Variants in MTMR2 observed in about 807,000 individuals in gnomAD.
The protein encoded by MTMR2 is myotubularin related protein 2.
In MTMR2, 55 loss-of-function variants were observed where a neutral mutation model predicts 86.9. That is an observed-to-expected ratio of 0.63 (90% confidence interval 0.51 to 0.79). The LOEUF (loss-of-function observed/expected upper bound fraction) is 0.79. MTMR2 is among the 30% of genes least tolerant of loss of function. The probability of loss-of-function intolerance (pLI) is 0.00; values close to 1 mark genes in which losing one functional copy is unlikely to be tolerated. For missense variants in MTMR2, 659 were observed against 772.3 expected, an observed-to-expected ratio of 0.85 and a Z score of 1.74; for synonymous variants, 241 against 266.8, an observed-to-expected ratio of 0.90 and a Z score of 0.94.
intron 1 of MTMR2, 67 bp from the exon 2 acceptor site, chr11:95,888,328 A>G: frequency 1.9e-6 from 2 of 1,026,172 alleles, no homozygotes. Context: ...CAGACATTGT[A>G]TTTAATATAA....
At chr11:95,851,356 C>CTTTA (rs892659649) in intron 7 of MTMR2, among the ~76,000 whole-genome samples, 8 of 145,994 alleles carry the variant, frequency 5.5e-5, no homozygotes, top group African/African-American at 1.7e-4. Flanking sequence ...TGTTCCTATT[C>CTTTA]TTTATTTATT....
At chr11:95,877,331 CCTTTTTTTTTTTTTTTTTTT>C (rs1448399789) in intron 2 of MTMR2, among the ~76,000 whole-genome samples, 2 of 94,740 alleles carry the variant, frequency 2.1e-5, no homozygotes, top group African/African-American at 5.0e-5. Context: ...ACAGGGAAGC[CCTTTTTTTTTTTTTTTTTTT>C]TTTTTTTTTT....
chr11:95,860,062 A>T (rs1415155590), intron 5 of MTMR2, among the ~76,000 whole-genome samples: 1 of 152,178 alleles, frequency 6.6e-6, no homozygotes, highest in Non-Finnish European at 1.5e-5. Flanking sequence ...TATATTTAAA[A>T]TGATTAAGAT....
At chr11:95,843,896 T>C (rs934461703) in intron 11 of MTMR2, among the ~76,000 whole-genome samples, 8 of 151,792 alleles carry the variant, frequency 5.3e-5, no homozygotes, top group Admixed American at 2.0e-4. Flanking sequence ...GTTTGGGGAG[T>C]TAGGAAAAAA....
chr11:95,855,906 T>C (rs1349704584), intron 7 of MTMR2, among the ~76,000 whole-genome samples: 2 of 152,178 alleles, frequency 1.3e-5, no homozygotes, highest in African/African-American at 2.4e-5. Flanking sequence ...TTTCTAAATG[T>C]GCTAGAATTA....
At chr11:95,872,494 C>G (rs1864928258) in intron 2 of MTMR2, among the ~76,000 whole-genome samples, 1 of 152,174 alleles carries the variant, frequency 6.6e-6, no homozygotes, top group Admixed American at 6.5e-5. Flanking sequence ...AGTTGCTTAT[C>G]AGCTTAAGGA....
chr11:95,835,837 G>C (rs1863247056), intron 14 of MTMR2, among the ~76,000 whole-genome samples: 1 of 151,968 alleles, frequency 6.6e-6, no homozygotes, highest in African/African-American at 2.4e-5. Context: ...ATTTTGTTCA[G>C]CTTTTAACTT....
rs886048762 is a variant in MTMR2, at chr11:95,832,933, A to G, written c.*2357T>C. ...TCATTTCAAATAAGGTTATGTTTAC[A>G]GACTTGTGGTAGACATGTGAATTGT... On this transcript the variant is annotated 3_prime_UTR_variant, in exon 15 of 15. Transcript: ENST00000346299. 3 of 152,186 alleles carry G rather than the reference A, an allele frequency of 2.0e-5. No individual in the cohort carries two copies. Among genetic ancestry groups the G allele is most frequent in the Non-Finnish European group, 2.9e-5 (2 of 68,032 alleles). The allele number at this position is 152,186 out of a possible 1,614,324, so 9.4% of individuals were successfully genotyped here.
intron 9 of MTMR2, among the ~76,000 whole-genome samples, chr11:95,849,286 C>T (rs1339748610): frequency 2.0e-5 from 3 of 151,988 alleles, no homozygotes; most frequent in South Asian, 4.2e-4. Context: ...AACACTAGTT[C>T]GCTATTCCTA....
chr11:95,890,207 T>C (rs1219303295), intron 1 of MTMR2, among the ~76,000 whole-genome samples: 1 of 152,216 alleles, frequency 6.6e-6, no homozygotes, highest in Non-Finnish European at 1.5e-5. Context: ...TTATATTACA[T>C]AGTTTTATAA....
intron 2 of MTMR2, among the ~76,000 whole-genome samples, chr11:95,872,995 A>T (rs923586084): frequency 2.0e-5 from 3 of 152,130 alleles, no homozygotes; most frequent in Admixed American, 1.3e-4. Context: ...AAGCTTTTTG[A>T]TGTGCTGCTG....
intron 1 of MTMR2, among the ~76,000 whole-genome samples, chr11:95,904,256 C>T (rs1364148635): frequency 6.6e-6 from 1 of 152,206 alleles, no homozygotes; most frequent in Non-Finnish European, 1.5e-5. Context: ...TCCCTCTCTA[C>T]TCAATCTCGC....
At chr11:95,895,769 A>T (rs1413546083) in intron 1 of MTMR2, among the ~76,000 whole-genome samples, 1 of 152,138 alleles carries the variant, frequency 6.6e-6, no homozygotes, top group Non-Finnish European at 1.5e-5. Context: ...CCCAAGAGAA[A>T]TGAAAATATT....
intron 10 of MTMR2, among the ~76,000 whole-genome samples, 158 bp from the exon 11 acceptor site, chr11:95,845,317 T>C (rs1052554797): frequency 6.6e-6 from 1 of 152,196 alleles, no homozygotes; most frequent in East Asian, 1.9e-4. Context: ...GTAGAAGATA[T>C]ATAAATTTTG....
chr11:95,890,305 A>T (rs1209641769), intron 1 of MTMR2, among the ~76,000 whole-genome samples: 1 of 152,232 alleles, frequency 6.6e-6, no homozygotes, highest in African/African-American at 2.4e-5. Context: ...TTAAAATAAC[A>T]GGCAAAATAA....
chr11:95,850,547 A>C, intron 8 of MTMR2, 53 bp downstream of exon 8: 1 of 1,561,548 alleles, frequency 6.4e-7, no homozygotes, highest in Non-Finnish European at 8.8e-7. Flanking sequence ...TAATCTCAGC[A>C]TTATGTTGAG....
chr11:95,834,864 C>T lies in MTMR2; in HGVS notation c.*426G>A, dbSNP rs1863186846. 2 of 220,770 alleles carry T rather than the reference C, an allele frequency of 9.1e-6. No homozygotes were observed. The highest frequency in any genetic ancestry group is 7.2e-5 in the South Asian group (1 of 13,946). The allele number at this position is 220,770 out of a possible 1,614,324, so 13.7% of individuals were successfully genotyped here. A position where few individuals can be genotyped will look rare whatever the true frequency, so the allele number is the denominator to read the frequency against. On this transcript the variant is annotated 3_prime_UTR_variant, in exon 15 of 15. Coordinates refer to ENST00000346299, the MANE Select transcript of MTMR2 (RefSeq NM_016156.6). Reference sequence around the variant, plus strand: ...ATCAAATGATTTTGATCTGTCATGACATCAAGGCCCAATATATGTGATGCC... The same window carrying T: ...ATCAAATGATTTTGATCTGTCATGATATCAAGGCCCAATATATGTGATGCC...
At chr11:95,880,723 G>A (rs1053918285) in intron 2 of MTMR2, among the ~76,000 whole-genome samples, 2 of 151,988 alleles carry the variant, frequency 1.3e-5, no homozygotes, top group African/African-American at 4.8e-5. Context: ...TAAACATTAT[G>A]TATATATTTT....
At chr11:95,881,139 T>A (rs948223554) in intron 2 of MTMR2, among the ~76,000 whole-genome samples, 12 of 151,568 alleles carry the variant, frequency 7.9e-5, no homozygotes, top group Non-Finnish European at 1.6e-4. Flanking sequence ...TTTTTTTTTT[T>A]AAACATGGCC....
Sources: gnomAD v4.1 joint callset for allele counts (sites outside exome capture counted in the v4.1 genomes callset) on GRCh38, gnomAD v4.1.1 for gene constraint, MANE v1.5 for transcripts, NCBI Gene and HGNC (gene_info 2026-07-23, HGNC 2026-07-21) for gene names.